Variants in AATK observed in about 807,000 individuals in gnomAD.
AATK encodes the protein lemur tail kinase 1.
A neutral mutation model predicts 114.3 loss-of-function variants in AATK; 91 were observed. The ratio of observed to expected loss-of-function variants is 0.80; its 90% CI spans 0.67 to 0.95. AATK has a LOEUF of 0.95. AATK is among the 40% of genes least tolerant of loss of function. The pLI is 0.00. For missense variants in AATK, 2,176 were observed against 1,965.2 expected (o/e 1.11, Z -2.03); for synonymous variants, 1,075 against 916.5 (o/e 1.17, Z -3.12).
In AATK at chr17:81,155,456, G is replaced by C. The variant is rs965305504; in HGVS notation, c.55+10482C>G. 3.3e-5 allele frequency among the ~76,000 whole-genome samples: 5 copies of C among 151,904 alleles called. No homozygotes were observed. In the East Asian group the frequency reaches 9.7e-4, roughly 29 times the overall value. On this transcript the variant is annotated intron_variant, in intron 1 of 13. Transcript: ENST00000326724. ...AAGTTGGAGTGCAGTGCGTGATCTT[G>C]GCTCACTGCAACCTCCGCCTCCCGG...
rs35731140 is a variant in AATK, at chr17:81,148,064, C to CAAA, written c.56-13566_56-13564dup. Among the ~76,000 whole-genome samples, 86 of 101,794 alleles carry CAAA rather than the reference C, an allele frequency of 8.4e-4. 1 individual carries two copies. The highest frequency in any genetic ancestry group is 7.4e-3 in the Middle Eastern group (1 of 136). The allele number at this position is 101,794 out of a possible 152,430, so 66.8% of individuals were successfully genotyped here. On this transcript the variant is annotated intron_variant, in intron 1 of 13. Transcript: ENST00000326724. Reference sequence around the variant, plus strand: ...TTACAAATCCTGATCACAACTTTGTCAAAAAAAAAAAAAAAAAAAAAAAAA... The same window carrying CAAA: ...TTACAAATCCTGATCACAACTTTGTCAAAAAAAAAAAAAAAAAAAAAAAAAAAA...
intron 12 of AATK, 67 bp from the exon 13 acceptor site, chr17:81,119,647 A>G (rs2060665186): frequency 1.5e-6 from 2 of 1,306,918 alleles, no homozygotes; most frequent in Admixed American, 5.3e-5. Context: ...CCGCTCCCAC[A>G]GTCACGGGCC....
At chr17:81,149,272 C>T (rs1012554739) in intron 1 of AATK, among the ~76,000 whole-genome samples, 8 of 152,156 alleles carry the variant, frequency 5.3e-5, no homozygotes, top group Non-Finnish European at 1.0e-4. Context: ...CCTCCAGCCC[C>T]GTCACCAGGC....
chr17:81,142,657 AAGG>A (rs2061155580), intron 1 of AATK, among the ~76,000 whole-genome samples: 1 of 152,162 alleles, frequency 6.6e-6, no homozygotes, highest in Non-Finnish European at 1.5e-5. Context: ...CAGGGAAGAG[AAGG>A]AGGTGCTTGG....
At chr17:81,129,395 G>T (rs542934315) in intron 3 of AATK, among the ~76,000 whole-genome samples, 8 of 152,162 alleles carry the variant, frequency 5.3e-5, no homozygotes, top group African/African-American at 1.9e-4. Context: ...GAGCAAGTGT[G>T]GGGGTCCTGA....
At position 81,122,345 on chromosome 17, in the gene AATK, A is replaced by C; in HGVS notation, c.1591T>G (p.Phe531Val). 6.6e-7 allele frequency: 1 copy of C among 1,511,334 alleles called. No individual in the cohort carries two copies. Among genetic ancestry groups the C allele is most frequent in the Non-Finnish European group, 8.8e-7 (1 of 1,134,320 alleles). The allele number at this position is 1,511,334 out of a possible 1,614,324, so 93.6% of individuals were successfully genotyped here. The change falls in exon 11 of 14, where the codon TTC (phenylalanine) becomes GTC (valine). Residue 531 changes from phenylalanine to valine, a missense_variant. Physicochemically the swap from Phe to Val is conservative, Grantham distance 50. This residue lies in a region of AATK where 1,701 missense variants were observed against 1,394.7 expected (regional missense o/e 1.22). Coordinates refer to ENST00000326724, the MANE Select transcript of AATK (RefSeq NM_001080395.3). ...GGTGCGGCCTCCTCTAGGCGGATGA[A>C]GTACTCGCTGCCCAGCGACGGGCTG... ...AHSPSLGSEYFIRLEEAAPAA... is the reference protein window; with the variant it reads ...AHSPSLGSEYVIRLEEAAPAA...
In AATK at chr17:81,121,433, C is replaced by T. The variant is rs1598905178; in HGVS notation, c.2503G>A (p.Val835Met). Residue 835 changes from valine to methionine, a missense_variant, in exon 11 of 14, where the codon GTG (valine) becomes ATG (methionine). By Grantham distance (21) the Val-to-Met change is conservative. This residue lies in a region of AATK where 1,701 missense variants were observed against 1,394.7 expected (regional missense o/e 1.22). Coordinates refer to ENST00000326724, the MANE Select transcript of AATK (RefSeq NM_001080395.3). ...DSPTPATGGEVSAIKLASALN... is the reference protein window; with the variant it reads ...DSPTPATGGEMSAIKLASALN... ...GCAGAAGCCAGCTTGATGGCAGACA[C>T]CTCGCCACCAGTAGCAGGCGTGGGA... The T allele has an allele frequency of 6.2e-7, 1 of 1,602,420 alleles. No individual in the cohort carries two copies. The highest frequency in any genetic ancestry group is 8.5e-7 in the Non-Finnish European group (1 of 1,174,762).
Position 81,128,532 on chromosome 17 carries a change from T to C in AATK, c.352A>G (p.Thr118Ala), listed in dbSNP as rs2060882693. Residue 118 changes from threonine to alanine, a missense_variant, in exon 4 of 14, where the codon ACA becomes GCA. By Grantham distance (58) the Thr-to-Ala change is moderately conservative. This residue lies in a region of AATK where 178 missense variants were observed against 175.4 expected (regional missense o/e 1.01). Coordinates refer to ENST00000326724, the MANE Select transcript of AATK (RefSeq NM_001080395.3). ...AGGAGGCTGTGCCGGCCCACGTCTGTGGACTTGAGGAGCTGCACTGTAACC... is the reference window on the plus strand; with the variant it reads ...AGGAGGCTGTGCCGGCCCACGTCTGCGGACTTGAGGAGCTGCACTGTAACC... ...PGRSVQLLKS[T>A]DVGRHSLLYL... The C allele has an allele frequency of 2.6e-6, 4 of 1,549,096 alleles. No homozygotes were observed. The South Asian group carries it at 3.6e-5, about 14-fold the overall frequency.
At chr17:81,163,327 G>A (rs1220015833) in intron 1 of AATK, among the ~76,000 whole-genome samples, 1 of 152,158 alleles carries the variant, frequency 6.6e-6, no homozygotes, top group Admixed American at 6.5e-5. Flanking sequence ...GGGGCACTCA[G>A]GTAGAAGGGG....
At chr17:81,138,839 CCCA>C (rs2061076063) in intron 1 of AATK, among the ~76,000 whole-genome samples, 1 of 151,940 alleles carries the variant, frequency 6.6e-6, no homozygotes, top group Non-Finnish European at 1.5e-5. Flanking sequence ...CACACACACC[CCCA>C]CGCGTGCAGA....
Position 81,121,540 on chromosome 17 carries a change from A to G in AATK, c.2396T>C (p.Val799Ala). 2.0e-6 allele frequency: 3 copies of G among 1,533,886 alleles called. No individual in the cohort carries two copies. Among genetic ancestry groups the G allele is most frequent in the Non-Finnish European group, 1.8e-6 (2 of 1,138,858 alleles). ...GGCTCCCTCCTGGGATGGGGAGGGG[A>G]CGGAAGGAAGGGGCAGGCGGGGTCC... ...TTGPRLPLPSVPSPSQEGAPL... is the reference protein window; with the variant it reads ...TTGPRLPLPSAPSPSQEGAPL... The change falls in exon 11 of 14, where the codon GTC becomes GCC. Residue 799 changes from valine to alanine, a missense_variant. Physicochemically the swap from Val to Ala is moderately conservative, Grantham distance 64. This residue lies in a region of AATK where 1,701 missense variants were observed against 1,394.7 expected (regional missense o/e 1.22). Coordinates refer to ENST00000326724, the MANE Select transcript of AATK (RefSeq NM_001080395.3).
At chr17:81,146,225 G>C (rs1378317303) in intron 1 of AATK, among the ~76,000 whole-genome samples, 2 of 151,848 alleles carry the variant, frequency 1.3e-5, no homozygotes, top group Admixed American at 1.3e-4. Flanking sequence ...GCTGGGCGTG[G>C]TGATGCACAC....
rs111660324 is a variant in AATK at position 81,142,279 on chromosome 17, CT to C, written c.56-7779del. ...CGCTCTTTTTTTTCTTTTTTCTTTT[CT>C]TTTTTTTTTTGAGACAGAATCTTGC... On this transcript the variant is annotated intron_variant, in intron 1 of 13. Coordinates refer to ENST00000326724, the MANE Select transcript of AATK (RefSeq NM_001080395.3). Among the ~76,000 whole-genome samples, 56 of 142,694 alleles carry C rather than the reference CT, an allele frequency of 3.9e-4. 1 individual carries two copies. Among genetic ancestry groups the C allele is most frequent in the African/African-American group, 3.4e-4 (13 of 38,700 alleles). 93.6% of individuals were successfully genotyped at this position (142,694 alleles called of 152,430 possible).
At chr17:81,141,319 C>T (rs1417476870) in intron 1 of AATK, among the ~76,000 whole-genome samples, 1 of 152,104 alleles carries the variant, frequency 6.6e-6, no homozygotes, top group African/African-American at 2.4e-5. Flanking sequence ...GGCATGGTGG[C>T]GTGTGCCTGT....
Position 81,118,432 on chromosome 17 carries a change from A to G in AATK, c.4095T>C (p.Ala1365=). The change falls in exon 14 of 14, where the codon GCT becomes GCC. Residue 1365 remains alanine (A), a synonymous_variant. Coordinates refer to ENST00000326724, the MANE Select transcript of AATK (RefSeq NM_001080395.3). ...SDAESKRGPE[A]GAGGESKEA is the part of the protein sequence containing the mutation. ...CCTCTTTACTCTCACCCCCGGCACC[A>G]GCTTCAGGTCCTGGCAAGCAGGACA... 6.2e-7 allele frequency: 1 copy of G among 1,608,358 alleles called. No individual in the cohort carries two copies. The highest frequency in any genetic ancestry group is 2.2e-5 in the East Asian group (1 of 44,620).
intron 1 of AATK, among the ~76,000 whole-genome samples, chr17:81,142,724 G>A (rs1329343563): frequency 1.3e-5 from 2 of 152,154 alleles, no homozygotes; most frequent in Non-Finnish European, 2.9e-5. Flanking sequence ...CCACCCTCCT[G>A]GGAGTGGCTT....
In AATK at chr17:81,118,022, A is replaced by T; in HGVS notation, c.*380T>A. On this transcript the variant is annotated 3_prime_UTR_variant, in exon 14 of 14. Transcript: ENST00000326724. Reference sequence around the variant, plus strand: ...AAGTGTCCTGTGAGCACACCGGAGGAGCTGCCGGATGGGGCATGCGGGTCC... The same window carrying T: ...AAGTGTCCTGTGAGCACACCGGAGGTGCTGCCGGATGGGGCATGCGGGTCC... The T allele has an allele frequency of 4.9e-6, 1 of 205,782 alleles. No homozygotes were observed. The highest frequency in any genetic ancestry group is 9.9e-6 in the Non-Finnish European group (1 of 101,490). The allele number at this position is 205,782 out of a possible 1,614,324, so 12.7% of individuals were successfully genotyped here.
chr17:81,161,796 G>A (rs56253136), intron 1 of AATK, among the ~76,000 whole-genome samples: 13,029 of 152,178 alleles, frequency 0.086, 734 homozygotes, highest in East Asian at 0.18. Context: ...GTTGGGAGCC[G>A]GGGAGGCAGA....
intron 1 of AATK, among the ~76,000 whole-genome samples, chr17:81,143,539 C>T (rs545899959): frequency 2.2e-5 from 2 of 92,936 alleles, no homozygotes; most frequent in African/African-American, 3.3e-5. Context: ...GCCCCCACCC[C>T]CCGTGTCCAC....
Sources: gnomAD v4.1 joint callset for allele counts (sites outside exome capture counted in the v4.1 genomes callset) on GRCh38, gnomAD v4.1.1 for gene constraint, gnomAD v4.1.1 regional missense constraint, MANE v1.5 for transcripts, NCBI Gene and HGNC (gene_info 2026-07-23, HGNC 2026-07-21) for gene names.